Variants in CD74 observed in about 807,000 individuals in gnomAD.
CD74 encodes HLA class II histocompatibility antigen gamma chain.
CD74 carries 20 observed loss-of-function variants against 37.1 expected under a neutral mutation model. The ratio of observed to expected loss-of-function variants is 0.54; its 90% confidence interval spans 0.38 to 0.78. CD74 has a LOEUF of 0.78. CD74 is among the 30% of genes least tolerant of loss of function. CD74 has a pLI of 0.00. For synonymous variants in CD74, 150 were observed against 152.0 expected (o/e 0.99, Z 0.10); for missense variants, 338 against 389.5 (o/e 0.87, Z 1.11).
chr5:150,405,320 C>T, intron 4 of CD74, 140 bp from the exon 5 acceptor site: 1 of 1,377,242 alleles, frequency 7.3e-7, no homozygotes, highest in Non-Finnish European at 9.4e-7. Context: ...TGGACTTCAG[C>T]CATGATGGGA....
In CD74 at chr5:150,402,161, A is replaced by G. The variant is rs1051813; in HGVS notation, c.*79T>C. ...TGAGGTACAGGGTGGGAGATGGGGG[A>G]GGGGCTGGGGGCTGAAGGGAGCAAG... On this transcript the variant is annotated 3_prime_UTR_variant, in exon 9 of 9. Coordinates refer to ENST00000009530, the MANE Select transcript of CD74 (RefSeq NM_001025159.3). The surrounding 1 kb of genome is among the most constrained non-coding windows in gnomAD (Gnocchi z 4.2). The G allele has an allele frequency of 2.1e-6, 3 of 1,436,718 alleles. No homozygotes were observed. Among genetic ancestry groups the G allele is most frequent in the Non-Finnish European group, 2.9e-6 (3 of 1,043,204 alleles). 89.0% of individuals were successfully genotyped at this position (1,436,718 alleles called of 1,614,324 possible).
chr5:150,412,501 T>A (rs1770402564), intron 1 of CD74, 124 bp downstream of exon 1: 1 of 736,546 alleles, frequency 1.4e-6, no homozygotes, highest in Admixed American at 2.4e-5. Flanking sequence ...ACCCAAAAAG[T>A]CAATGTTAGA....
intron 4 of CD74, chr5:150,405,485 G>T: frequency 8.8e-7 from 1 of 1,131,840 alleles, no homozygotes; most frequent in Non-Finnish European, 1.1e-6. Context: ...ACCTGCTCCA[G>T]CAGGTGAGGA....
In CD74 at chr5:150,403,425, G is replaced by A. The variant is rs2151170813; in HGVS notation, c.626-113C>T. 1.0e-6 allele frequency: 1 copy of A among 954,440 alleles called. No individual in the cohort carries two copies. The highest frequency in any genetic ancestry group is 1.7e-6 in the Non-Finnish European group (1 of 605,622). 59.1% of individuals were successfully genotyped at this position (954,440 alleles called of 1,614,324 possible). On this transcript the variant is annotated intron_variant, in intron 6 of 8. Coordinates refer to ENST00000009530, the MANE Select transcript of CD74 (RefSeq NM_001025159.3). The surrounding 1 kb of genome is among the most constrained non-coding windows in gnomAD (Gnocchi z 4.5). ...TGTGGGCTTAATGCCTTCTTCCCAA[G>A]TGGCTTTACTCACTCCAGCCATCAC... is the stretch of plus-strand genomic sequence containing the variant.
intron 1 of CD74, among the ~76,000 whole-genome samples, chr5:150,411,720 G>A (rs945592553): frequency 1.3e-5 from 2 of 152,146 alleles, no homozygotes; most frequent in Non-Finnish European, 1.5e-5. Context: ...TCAACCCTGA[G>A]CCCCCTCCAG....
At chr5:150,405,347 G>A (rs1769894803) in intron 4 of CD74, 167 bp from the exon 5 acceptor site, 11 of 1,342,512 alleles carry the variant, frequency 8.2e-6, no homozygotes, top group East Asian at 3.0e-5. Flanking sequence ...GGGAGGGTAC[G>A]GGTAAGGGTA....
chr5:150,405,526 G>GGAC, intron 4 of CD74: 2 of 694,830 alleles, frequency 2.9e-6, no homozygotes, highest in Non-Finnish European at 3.7e-6. Context: ...GCTAGGTTGA[G>GGAC]TCCTCTGCCT....
chr5:150,406,059 C>T (rs1374339001), intron 4 of CD74, 200 bp downstream of exon 4: 3 of 515,388 alleles, frequency 5.8e-6, no homozygotes, highest in Non-Finnish European at 1.1e-5. Flanking sequence ...GCATGAGCCA[C>T]TGCACCCAGC....
In CD74 at chr5:150,404,785, G is replaced by C; in HGVS notation, c.538-18C>G. 6.5e-7 allele frequency: 1 copy of C among 1,531,886 alleles called. No individual in the cohort carries two copies. Among genetic ancestry groups the C allele is most frequent in the Non-Finnish European group, 8.9e-7 (1 of 1,125,262 alleles). 94.9% of individuals were successfully genotyped at this position (1,531,886 alleles called of 1,614,324 possible). A position where few individuals can be genotyped will look rare whatever the true frequency, so the allele number is the denominator to read the frequency against. On this transcript the variant is annotated intron_variant, in intron 5 of 8. Transcript: ENST00000009530. ...TCAAAGACCTAATACGGATAGAGGTGGAGGTCAGGTTCGATGGCCACCACC... is the reference window on the plus strand; with the variant it reads ...TCAAAGACCTAATACGGATAGAGGTCGAGGTCAGGTTCGATGGCCACCACC...
chr5:150,404,964 C>T, intron 5 of CD74, 121 bp downstream of exon 5: 1 of 1,010,270 alleles, frequency 9.9e-7, no homozygotes, highest in Non-Finnish European at 1.5e-6. Flanking sequence ...TTTGGAAGTG[C>T]TGGTAAACCC....
rs1386706183 is a variant in CD74 at position 150,401,914 on chromosome 5, C to G, written c.*326G>C. 2.5e-6 allele frequency: 2 copies of G among 797,940 alleles called. No individual in the cohort carries two copies. Among genetic ancestry groups the G allele is most frequent in the Non-Finnish European group, 4.2e-6 (2 of 472,316 alleles). 49.4% of individuals were successfully genotyped at this position (797,940 alleles called of 1,614,324 possible). ...GGTTATCCCTTCTCCCTGTGCCTTCCCATCTCGTCCATGAGCCTAGGTCTT... is the reference window on the plus strand; with the variant it reads ...GGTTATCCCTTCTCCCTGTGCCTTCGCATCTCGTCCATGAGCCTAGGTCTT... On this transcript the variant is annotated 3_prime_UTR_variant, in exon 9 of 9. Transcript: ENST00000009530.
In CD74 at chr5:150,403,265, G is replaced by T. The variant is rs1195416511; in HGVS notation, c.673C>A (p.Pro225Thr). The change falls in exon 7 of 9, where the codon CCG (proline) becomes ACG (threonine). Residue 225 changes from proline to threonine, a missense_variant. Transcript: ENST00000009530. The surrounding 1 kb of genome is among the most constrained non-coding windows in gnomAD (Gnocchi z 4.5). Reference sequence around the variant, plus strand: ...TCGCACTTGGGCCTGAATGAACCCGGGTGGACAGCAGGGATGTGGCTGACC... The same window carrying T: ...TCGCACTTGGGCCTGAATGAACCCGTGTGGACAGCAGGGATGTGGCTGACC... Reference protein sequence around the residue: ...EEVSHIPAVHPGSFRPKCDEN... With the variant: ...EEVSHIPAVHTGSFRPKCDEN... 1 of 1,613,906 alleles carries T rather than the reference G, an allele frequency of 6.2e-7. No individual in the cohort carries two copies. The highest frequency in any genetic ancestry group is 8.5e-7 in the Non-Finnish European group (1 of 1,179,908).
chr5:150,405,154 C>G lies in CD74; in HGVS notation c.468G>C (p.Pro156=). The change falls in exon 5 of 9, where the codon CCG becomes CCC. Residue 156 remains proline, a synonymous_variant. Transcript: ENST00000009530. ...TCTCCGGGAAGCTCCCCTTCAGTGG[C>G]GGGTACACCTTCAGGGGGTCAGCAT... is the stretch of plus-strand genomic sequence containing the variant. ...LQNADPLKVY[P]PLKGSFPENL... 6.2e-7 allele frequency: 1 copy of G among 1,609,736 alleles called. No individual in the cohort carries two copies. The highest frequency in any genetic ancestry group is 8.5e-7 in the Non-Finnish European group (1 of 1,178,018).
intron 6 of CD74, 183 bp downstream of exon 6, chr5:150,404,497 G>C (rs554790199): frequency 2.1e-4 from 121 of 580,116 alleles, no homozygotes; most frequent in South Asian, 2.0e-3. Flanking sequence ...AGGGGAGGGG[G>C]ACAGCCAAAC....
intron 1 of CD74, 92 bp downstream of exon 1, chr5:150,412,533 T>C: frequency 2.1e-6 from 2 of 966,116 alleles, no homozygotes; most frequent in Non-Finnish European, 3.3e-6. Flanking sequence ...AATCCCTCTT[T>C]CCTGTGACTC....
Position 150,407,142 on chromosome 5 carries a change from G to T in CD74, c.298+10C>A. ...AGGTGGGGGGTATCAGGATGTAGGG[G>T]TGCACGCACGCTTGGGAAGCTTCAT... On this transcript the variant is annotated intron_variant, in intron 2 of 8. Coordinates refer to ENST00000009530, the MANE Select transcript of CD74 (RefSeq NM_001025159.3). The surrounding 1 kb of genome is among the most constrained non-coding windows in gnomAD (Gnocchi z 4.4). 1 of 1,612,700 alleles carries T rather than the reference G, an allele frequency of 6.2e-7. No individual in the cohort carries two copies. The highest frequency in any genetic ancestry group is 8.5e-7 in the Non-Finnish European group (1 of 1,179,090).
In CD74 at chr5:150,402,387, C is replaced by T. The variant is rs2151166486; in HGVS notation, c.881-137G>A. ...CCTGCTCAGGTCCAATAATGACCAT[C>T]ATGGATTTGTGTAACTCCCCACAGC... On this transcript the variant is annotated intron_variant, in intron 8 of 8. Transcript: ENST00000009530. This position sits in a 1 kb window ranked among gnomAD's most constrained non-coding sequence, Gnocchi z 4.2. 1 of 881,796 alleles carries T rather than the reference C, an allele frequency of 1.1e-6. No homozygotes were observed. Among genetic ancestry groups the T allele is most frequent in the Admixed American group, 1.8e-5 (1 of 54,898 alleles). 54.6% of individuals were successfully genotyped at this position (881,796 alleles called of 1,614,324 possible). A position where few individuals can be genotyped will look rare whatever the true frequency, so the allele number is the denominator to read the frequency against.
Position 150,403,209 on chromosome 5 carries a change from G to A in CD74, c.729C>T (p.Cys243=), listed in dbSNP as rs2151169950. 1 of 1,614,056 alleles carries A rather than the reference G, an allele frequency of 6.2e-7. No homozygotes were observed. Among genetic ancestry groups the A allele is most frequent in the Non-Finnish European group, 8.5e-7 (1 of 1,179,898 alleles). ...ACCAGCAGTAGCCGATGCTCCCATA[G>A]CACTGGAGTGGCAGATAGTTGCCGT... is the stretch of plus-strand genomic sequence containing the variant. The part of the protein sequence containing the change: ...DENGNYLPLQ[C]YGSIGYCWCV... Residue 243 remains cysteine, a synonymous_variant, in exon 7 of 9, where the codon TGC becomes TGT. Transcript: ENST00000009530. This position sits in a 1 kb window ranked among gnomAD's most constrained non-coding sequence, Gnocchi z 4.5.
intron 5 of CD74, 122 bp downstream of exon 5, chr5:150,404,963 G>T: frequency 1.0e-6 from 1 of 998,174 alleles, no homozygotes; most frequent in Admixed American, 2.3e-5. Flanking sequence ...TTTTGGAAGT[G>T]CTGGTAAACC....
Sources: gnomAD v4.1 joint callset for allele counts (sites outside exome capture counted in the v4.1 genomes callset) on GRCh38, gnomAD v4.1.1 for gene constraint, Gnocchi (gnomAD v3.1) non-coding constraint, MANE v1.5 for transcripts, NCBI Gene and HGNC (gene_info 2026-07-23, HGNC 2026-07-21) for gene names.